Variants in SGCD observed in about 807,000 individuals in gnomAD.
SGCD encodes delta-sarcoglycan.
Under a neutral mutation model 36.6 loss-of-function variants are expected in SGCD, and 18 were observed. That is an observed-to-expected ratio of 0.49 (90% CI 0.34 to 0.73). The LOEUF (loss-of-function observed/expected upper bound fraction) is 0.73, where lower values mean the gene tolerates loss of function less well. Among genes scored for constraint, SGCD ranks in the 30% least tolerant of loss-of-function variants. The pLI, the probability that SGCD is intolerant of heterozygous loss-of-function variation, is 0.01. For missense variants in SGCD, 387 were observed against 346.7 expected (o/e 1.12, Z -0.92); for synonymous variants, 133 against 130.6 (o/e 1.02, Z -0.12).
intron 3 of SGCD, among the ~76,000 whole-genome samples, chr5:156,216,783 A>G (rs1005609115): frequency 1.3e-5 from 2 of 152,252 alleles, no homozygotes; most frequent in Admixed American, 1.3e-4. Flanking sequence ...AAATGAGTAT[A>G]AGAAAATGAA....
At chr5:156,106,480 C>T (rs1250238406) in intron 1 of SGCD, among the ~76,000 whole-genome samples, 1 of 152,130 alleles carries the variant, frequency 6.6e-6, no homozygotes, top group East Asian at 1.9e-4. Flanking sequence ...TTGTGAAATA[C>T]TATCAAGCTG....
At chr5:156,627,247 G>A (rs918443801) in intron 6 of SGCD, among the ~76,000 whole-genome samples, 4 of 152,162 alleles carry the variant, frequency 2.6e-5, no homozygotes, top group African/African-American at 9.7e-5. Context: ...TGCATTGCCT[G>A]AGTTAGAAGG....
At chr5:156,699,015 G>A (rs1754429095) in intron 7 of SGCD, among the ~76,000 whole-genome samples, 1 of 152,072 alleles carries the variant, frequency 6.6e-6, no homozygotes, top group African/African-American at 2.4e-5. Flanking sequence ...AACAGAATAA[G>A]CTCCAGCTAC....
the SGCD span, among the ~76,000 whole-genome samples, chr5:155,835,076 C>T: frequency 1.3e-3 from 171 of 131,536 alleles, 2 homozygotes; most frequent in East Asian, 9.5e-4. Context: ...GACGTGATCT[C>T]GGCTCAACGC....
Position 156,242,016 on chromosome 5 carries a change from T to A in SGCD, c.-43-87518T>A, listed in dbSNP as rs1332087087. On this transcript the variant is annotated intron_variant, in intron 3 of 9. Transcript: ENST00000517913. Reference sequence around the variant, plus strand: ...TGTGAGGGTACAGGCCAGTGCAGGGTGTCACAAATAAAGTAGGGGGTTCAT... The same window carrying A: ...TGTGAGGGTACAGGCCAGTGCAGGGAGTCACAAATAAAGTAGGGGGTTCAT... 2.0e-5 allele frequency among the ~76,000 whole-genome samples: 3 copies of A among 152,046 alleles called. No homozygotes were observed. The South Asian group carries it at 6.2e-4, about 31-fold the overall frequency.
At chr5:155,754,966 G>C in the SGCD span, among the ~76,000 whole-genome samples, 1 of 152,128 alleles carries the variant, frequency 6.6e-6, no homozygotes, top group Non-Finnish European at 1.5e-5. Flanking sequence ...AGCCAGAGAG[G>C]ACCCAAAGAA....
chr5:155,999,900 A>G (rs1220145017), intron 1 of SGCD, among the ~76,000 whole-genome samples: 1 of 152,222 alleles, frequency 6.6e-6, no homozygotes, highest in Non-Finnish European at 1.5e-5. Context: ...AAAAGTACAA[A>G]TGGAGGCCCA....
At chr5:156,039,033 C>G (rs1759570406) in intron 1 of SGCD, among the ~76,000 whole-genome samples, 1 of 152,224 alleles carries the variant, frequency 6.6e-6, no homozygotes, top group East Asian at 1.9e-4. Context: ...ATAGCCCTTT[C>G]CTGCCTCAGG....
chr5:155,873,612 T>C (rs986721358), intron 1 of SGCD, among the ~76,000 whole-genome samples: 2 of 152,182 alleles, frequency 1.3e-5, no homozygotes, highest in Middle Eastern at 3.2e-3. Context: ...ACTCAAAGCC[T>C]AGACTTCCCA....
At chr5:156,320,660 A>G (rs1224248790) in intron 3 of SGCD, among the ~76,000 whole-genome samples, 1 of 152,250 alleles carries the variant, frequency 6.6e-6, no homozygotes, top group Non-Finnish European at 1.5e-5. Context: ...TTCTGAAAGT[A>G]ATGACTTAGT....
chr5:156,247,263 T>C lies in SGCD; in HGVS notation c.-43-82271T>C, dbSNP rs573680148. On this transcript the variant is annotated intron_variant, in intron 3 of 9. Coordinates refer to the SGCD transcript ENST00000517913. The stretch of plus-strand genomic sequence containing the variant: ...TAATCATTAGCAATTATTCTTGACC[T>C]CTTGAGAAAGCTTCCCGTTTTTTGA... Among the ~76,000 whole-genome samples, 18 of 152,310 alleles carry C rather than the reference T, an allele frequency of 1.2e-4. No individual in the cohort carries two copies. In the East Asian group the frequency reaches 3.5e-3, roughly 29 times the overall value.
At chr5:156,445,053 T>A (rs1452693896) in intron 3 of SGCD, among the ~76,000 whole-genome samples, 2 of 152,176 alleles carry the variant, frequency 1.3e-5, no homozygotes, top group African/African-American at 2.4e-5. Flanking sequence ...CCAGTGAATG[T>A]TCCCGCAGAC....
intron 1 of SGCD, among the ~76,000 whole-genome samples, chr5:155,947,479 C>G (rs922764506): frequency 6.6e-6 from 1 of 152,010 alleles, no homozygotes; most frequent in Non-Finnish European, 1.5e-5. Context: ...TAACTTTCCT[C>G]AAAGTCTTAG....
At chr5:155,782,137 G>C in the SGCD span, among the ~76,000 whole-genome samples, 2 of 149,972 alleles carry the variant, frequency 1.3e-5, no homozygotes, top group Non-Finnish European at 3.0e-5. Context: ...TGATTCTCCT[G>C]CTTCAGCCTC....
chr5:156,196,106 A>G (rs1040116996), intron 3 of SGCD, among the ~76,000 whole-genome samples: 1 of 152,022 alleles, frequency 6.6e-6, no homozygotes, highest in Non-Finnish European at 1.5e-5. Context: ...TTCCAACTTC[A>G]TCCCTTTATT....
At chr5:156,024,095 A>G (rs1205734037) in intron 1 of SGCD, among the ~76,000 whole-genome samples, 1 of 152,154 alleles carries the variant, frequency 6.6e-6, no homozygotes, top group African/African-American at 2.4e-5. Context: ...CTGGAGTTCC[A>G]AGGATGGCAG....
chr5:156,260,053 A>G (rs1035081862), intron 3 of SGCD, among the ~76,000 whole-genome samples: 1 of 152,198 alleles, frequency 6.6e-6, no homozygotes, highest in Non-Finnish European at 1.5e-5. Context: ...TAGCAACAGA[A>G]AAAACACTGT....
At chr5:156,577,821 G>C (rs1032759108) in intron 4 of SGCD, among the ~76,000 whole-genome samples, 4 of 152,174 alleles carry the variant, frequency 2.6e-5, no homozygotes, top group African/African-American at 9.6e-5. Context: ...TTTGGGCTGA[G>C]GCAATGGGGT....
chr5:155,944,895 A>G (rs1757406468), intron 1 of SGCD, among the ~76,000 whole-genome samples: 1 of 151,272 alleles, frequency 6.6e-6, no homozygotes, highest in African/African-American at 2.5e-5. Flanking sequence ...ATGCCTTTGA[A>G]GATGTAAGAG....
Sources: allele counts gnomAD v4.1 joint callset (sites outside exome capture counted in the v4.1 genomes callset), GRCh38; gene constraint gnomAD v4.1.1; transcripts MANE v1.5; gene names NCBI Gene and HGNC (gene_info 2026-07-23, HGNC 2026-07-21).